The following ROBO2 variants were observed in gnomAD, a reference collection of about 807,000 sequenced individuals.
ROBO2 encodes the protein roundabout homolog 2.
ROBO2 carries 53 observed loss-of-function variants against 160.8 expected under a neutral mutation model. The observed-to-expected ratio is 0.33, with a 90% CI of 0.26 to 0.41. The LOEUF (loss-of-function observed/expected upper bound fraction) is 0.41, where lower values mean the gene tolerates loss of function less well. Ranked by LOEUF, ROBO2 falls within the 10% of genes least tolerant of loss-of-function variation. The probability of loss-of-function intolerance (pLI) is 1.00; values close to 1 mark genes in which losing one functional copy is unlikely to be tolerated. For synonymous variants in ROBO2, 664 were observed against 611.7 expected (o/e 1.09, Z -1.26); for missense variants, 1,577 against 1,722.4 (o/e 0.92, Z 1.49).
At chr3:76,394,700 T>A (rs1238731791) in intron 2 of ROBO2, among the ~76,000 whole-genome samples, 1 of 152,084 alleles carries the variant, frequency 6.6e-6, no homozygotes, top group Non-Finnish European at 1.5e-5. Context: ...TAAAACAGAC[T>A]TGAAACCACC....
intron 2 of ROBO2, among the ~76,000 whole-genome samples, chr3:76,199,522 G>A (rs1024197646): frequency 6.6e-6 from 1 of 152,050 alleles, no homozygotes; most frequent in African/African-American, 2.4e-5. Flanking sequence ...AAATAACCCC[G>A]TATTGTTCAA....
intron 2 of ROBO2, among the ~76,000 whole-genome samples, chr3:76,127,013 G>A (rs2071015391): frequency 1.3e-5 from 2 of 152,082 alleles, no homozygotes; most frequent in Non-Finnish European, 1.5e-5. Context: ...ATTATTAAGG[G>A]TAAGATATAG....
At chr3:76,957,950 G>T (rs75075894) in intron 2 of ROBO2, among the ~76,000 whole-genome samples, 4,702 of 152,234 alleles carry the variant, frequency 0.031, 246 homozygotes, top group African/African-American at 0.11. Flanking sequence ...AGTTCTCTGA[G>T]GGGTACTGAA....
At chr3:77,488,771 G>A (rs544408586) in intron 4 of ROBO2, among the ~76,000 whole-genome samples, 124 of 152,178 alleles carry the variant, frequency 8.1e-4, no homozygotes, top group Middle Eastern at 3.4e-3. Context: ...TTATTGTAAC[G>A]GTTGCCACTG....
chr3:77,099,221 G>C (rs114342098), intron 2 of ROBO2, among the ~76,000 whole-genome samples: 10,045 of 151,732 alleles, frequency 0.066, 475 homozygotes, highest in Middle Eastern at 0.14. Context: ...ACAGACACCA[G>C]GCCCAGCTAA....
At chr3:76,248,407 T>C (rs370388075) in intron 2 of ROBO2, among the ~76,000 whole-genome samples, 26 of 149,386 alleles carry the variant, frequency 1.7e-4, no homozygotes, top group East Asian at 6.1e-4. Flanking sequence ...AACCAAACAC[T>C]GCATATTCTC....
At chr3:76,020,407 C>T (rs774529040) in intron 2 of ROBO2, among the ~76,000 whole-genome samples, 2 of 151,732 alleles carry the variant, frequency 1.3e-5, no homozygotes, top group Non-Finnish European at 3.0e-5. Context: ...TTTCTTGCTT[C>T]GTATGTTCCT....
chr3:76,575,330 A>G lies in ROBO2; in HGVS notation c.110-522684A>G, dbSNP rs376763309. Reference sequence around the variant, plus strand: ...ACTTTCTTCTCTCCTAATACTATAAAATATTTCTTTATATTACTAATATTT... The same window carrying G: ...ACTTTCTTCTCTCCTAATACTATAAGATATTTCTTTATATTACTAATATTT... On this transcript the variant is annotated intron_variant, in intron 2 of 26. Coordinates refer to the ROBO2 transcript ENST00000487694. Among the ~76,000 whole-genome samples the G allele has an allele frequency of 1.8e-4, 28 of 152,106 alleles. No homozygotes were observed. In the East Asian group the frequency reaches 5.0e-3, roughly 27 times the overall value.
intron 2 of ROBO2, among the ~76,000 whole-genome samples, chr3:76,929,859 A>G (rs2077227353): frequency 6.6e-6 from 1 of 152,108 alleles, no homozygotes; most frequent in African/African-American, 2.4e-5. Context: ...GTGTCTGTGG[A>G]TCTCAGGGAA....
intron 2 of ROBO2, among the ~76,000 whole-genome samples, chr3:76,953,398 G>C (rs1172165902): frequency 1.3e-5 from 2 of 152,212 alleles, no homozygotes; most frequent in African/African-American, 4.8e-5. Flanking sequence ...GAGTATGCTA[G>C]TACTATCAAA....
intron 2 of ROBO2, among the ~76,000 whole-genome samples, chr3:77,238,282 C>T (rs1318991525): frequency 6.6e-6 from 1 of 152,068 alleles, no homozygotes; most frequent in East Asian, 1.9e-4. Flanking sequence ...CCTTTGATGC[C>T]ATATCTAAAA....
chr3:76,284,271 A>G lies in ROBO2; in HGVS notation c.109+346669A>G, dbSNP rs568645894. 2.0e-5 allele frequency among the ~76,000 whole-genome samples: 3 copies of G among 152,150 alleles called. No homozygotes were observed. The East Asian group carries it at 5.8e-4, about 29-fold the overall frequency. ...TAATGCTATTCCTACTTCTGGGGTCAGAGATTCTATTCTGTTGAGAAGCTT... is the reference window on the plus strand; with the variant it reads ...TAATGCTATTCCTACTTCTGGGGTCGGAGATTCTATTCTGTTGAGAAGCTT... On this transcript the variant is annotated intron_variant, in intron 2 of 26. Transcript: ENST00000487694.
In ROBO2 at chr3:77,140,119, A is replaced by G. The variant is rs563727951; in HGVS notation, c.388+41779A>G. Among the ~76,000 whole-genome samples the G allele has an allele frequency of 5.3e-5, 8 of 152,310 alleles. No homozygotes were observed. In the South Asian group the frequency reaches 1.7e-3, roughly 32 times the overall value. On this transcript the variant is annotated intron_variant, in intron 2 of 25. Coordinates refer to ENST00000461745, the Ensembl canonical transcript of ROBO2. The stretch of plus-strand genomic sequence containing the variant: ...AACAATTACATTCCACTTTATACAC[A>G]TGAACTGTGAGCGTCCTGATTGAAT...
intron 2 of ROBO2, among the ~76,000 whole-genome samples, chr3:76,127,935 A>G (rs113969889): frequency 0.078 from 9,556 of 122,332 alleles, 675 homozygotes; most frequent in Middle Eastern, 0.2. Context: ...CCACTCTGTC[A>G]CCCAGGCTGG....
intron 2 of ROBO2, among the ~76,000 whole-genome samples, chr3:76,252,603 T>A (rs17732842): frequency 6.6e-6 from 1 of 151,882 alleles, no homozygotes; most frequent in African/African-American, 2.4e-5. Context: ...ACAAAGATGA[T>A]GTTTTATGTG....
At chr3:75,932,296 G>C (rs180786629) in intron 1 of ROBO2, among the ~76,000 whole-genome samples, 2 of 152,260 alleles carry the variant, frequency 1.3e-5, no homozygotes, top group Admixed American at 1.3e-4. Context: ...CTTAGACTTA[G>C]ATGATTTGTC....
intron 2 of ROBO2, among the ~76,000 whole-genome samples, chr3:76,132,395 G>GA (rs1491303294): frequency 9.1e-5 from 4 of 43,974 alleles, no homozygotes; most frequent in Admixed American, 6.4e-4. Context: ...CCAGACTGTT[G>GA]GGGGGGGGGG....
At chr3:77,631,904 T>C (rs2095170846) in intron 23 of ROBO2, 1 of 152,152 alleles carries the variant, frequency 6.6e-6, no homozygotes, top group African/African-American at 2.4e-5. Flanking sequence ...CATTTTTTCT[T>C]ATGTTCTAAG....
At chr3:76,046,421 G>A (rs1559864158) in intron 2 of ROBO2, among the ~76,000 whole-genome samples, 1 of 151,948 alleles carries the variant, frequency 6.6e-6, no homozygotes, top group Non-Finnish European at 1.5e-5. Flanking sequence ...AGGCCGACGC[G>A]GGTGGATCAC....
Sources: allele counts gnomAD v4.1 joint callset (sites outside exome capture counted in the v4.1 genomes callset), GRCh38; gene constraint gnomAD v4.1.1; transcripts MANE v1.5; gene names NCBI Gene and HGNC (gene_info 2026-07-23, HGNC 2026-07-21).